The following GUCD1 variants were observed in gnomAD, a reference collection of about 807,000 sequenced individuals.
The protein encoded by GUCD1 is protein GUCD1.
In GUCD1, 17 loss-of-function variants were observed where a neutral mutation model predicts 28.3. That is an observed-to-expected ratio of 0.60 (90% CI 0.41 to 0.90). GUCD1 has a LOEUF of 0.90. Among genes scored for constraint, GUCD1 ranks in the 40% least tolerant of loss-of-function variants. GUCD1 has a pLI of 0.00. For missense variants in GUCD1, 279 were observed against 305.5 expected, an observed-to-expected ratio of 0.91 and a Z score of 0.65; for synonymous variants, 129 against 123.3, an observed-to-expected ratio of 1.05 and a Z score of -0.30.
At chr22:24,544,131 C>T (rs2044666245) in intron 4 of GUCD1, 48 bp from the exon 5 acceptor site, 1 of 1,586,268 alleles carries the variant, frequency 6.3e-7, no homozygotes, top group African/African-American at 1.3e-5. Context: ...CCCCATTCCC[C>T]ATCCCTCAAA....
At chr22:24,551,755 CA>C (rs1224559976) in intron 1 of GUCD1, among the ~76,000 whole-genome samples, 1 of 152,194 alleles carries the variant, frequency 6.6e-6, no homozygotes, top group Non-Finnish European at 1.5e-5. Flanking sequence ...GCAAAAGTAA[CA>C]ATAGCATCAA....
rs778803848 is a variant in GUCD1 at position 24,542,801 on chromosome 22, T to C, written c.*205A>G. On this transcript the variant is annotated 3_prime_UTR_variant, in exon 6 of 6. Coordinates refer to ENST00000435822, the MANE Select transcript of GUCD1 (RefSeq NM_001284254.2). Reference sequence around the variant, plus strand: ...ATGCTTCCAGCAGCCAGCAGGTGCTTGGGGTGAGTGACATGACAACACACG... The same window carrying C: ...ATGCTTCCAGCAGCCAGCAGGTGCTCGGGGTGAGTGACATGACAACACACG... The C allele has an allele frequency of 4.0e-5, 21 of 529,374 alleles. No individual in the cohort carries two copies. Among genetic ancestry groups the C allele is most frequent in the Non-Finnish European group, 6.2e-5 (18 of 291,208 alleles). 32.8% of individuals were successfully genotyped at this position (529,374 alleles called of 1,614,324 possible).
At position 24,542,803 on chromosome 22, in the gene GUCD1, G is replaced by C; in HGVS notation, c.*203C>G. ...GCTTCCAGCAGCCAGCAGGTGCTTG[G>C]GGTGAGTGACATGACAACACACGGC... On this transcript the variant is annotated 3_prime_UTR_variant, in exon 6 of 6. Coordinates refer to ENST00000435822, the MANE Select transcript of GUCD1 (RefSeq NM_001284254.2). The C allele has an allele frequency of 1.1e-5, 6 of 538,570 alleles. No individual in the cohort carries two copies. In the South Asian group the frequency reaches 1.2e-4, roughly 11 times the overall value. The allele number at this position is 538,570 out of a possible 1,614,324, so 33.4% of individuals were successfully genotyped here. A position where few individuals can be genotyped will look rare whatever the true frequency, so the allele number is the denominator to read the frequency against.
At chr22:24,553,958 A>C (rs748504737) in intron 1 of GUCD1, among the ~76,000 whole-genome samples, 7 of 152,268 alleles carry the variant, frequency 4.6e-5, no homozygotes, top group Non-Finnish European at 1.0e-4. Flanking sequence ...CTGGAGCCAA[A>C]GGGCTGCCTG....
In GUCD1 at chr22:24,542,543, GA is replaced by G. The variant is rs1302193227; in HGVS notation, c.*462del. ...GGGCATATGCAGCACTTCCAGGAGAGAGGGGCCTGGAGGGGTCCTCAGCCCT... is the reference window on the plus strand; with the variant it reads ...GGGCATATGCAGCACTTCCAGGAGAGGGGGCCTGGAGGGGTCCTCAGCCCT... On this transcript the variant is annotated 3_prime_UTR_variant, in exon 6 of 6. Coordinates refer to ENST00000435822, the MANE Select transcript of GUCD1 (RefSeq NM_001284254.2). The G allele has an allele frequency of 6.3e-6, 1 of 159,716 alleles. No homozygotes were observed. Among genetic ancestry groups the G allele is most frequent in the Non-Finnish European group, 1.4e-5 (1 of 72,524 alleles). 9.9% of individuals were successfully genotyped at this position (159,716 alleles called of 1,614,324 possible).
intron 1 of GUCD1, among the ~76,000 whole-genome samples, chr22:24,554,482 G>A (rs1220614723): frequency 2.0e-5 from 3 of 152,240 alleles, no homozygotes; most frequent in Non-Finnish European, 4.4e-5. Context: ...TCTTGGGCAA[G>A]CAAACTAACG....
At chr22:24,546,227 C>G (rs2044724246) in intron 4 of GUCD1, among the ~76,000 whole-genome samples, 2 of 152,226 alleles carry the variant, frequency 1.3e-5, no homozygotes, top group African/African-American at 2.4e-5. Flanking sequence ...TCCCAAAGTG[C>G]TGGGATTACA....
chr22:24,548,453 A>G (rs1236099090), intron 2 of GUCD1, among the ~76,000 whole-genome samples: 1 of 152,192 alleles, frequency 6.6e-6, no homozygotes, highest in Non-Finnish European at 1.5e-5. Flanking sequence ...CCAGGATGTA[A>G]AACAGATGAA....
rs1211540265 is a variant in GUCD1, at chr22:24,544,086, G to A, written c.387-3C>T. 1.9e-6 allele frequency: 3 copies of A among 1,607,966 alleles called. No homozygotes were observed. Among genetic ancestry groups the A allele is most frequent in the South Asian group, 1.1e-5 (1 of 90,980 alleles). Reference sequence around the variant, plus strand: ...GGATGTCCTTCACACTCACTGTGCTGTGGGCGGGAGGGGGGTCAGCTGGTG... The same window carrying A: ...GGATGTCCTTCACACTCACTGTGCTATGGGCGGGAGGGGGGTCAGCTGGTG... On this transcript the variant is annotated splice_polypyrimidine_tract_variant and splice_region_variant and intron_variant, in intron 4 of 5. Coordinates refer to ENST00000435822, the MANE Select transcript of GUCD1 (RefSeq NM_001284254.2).
chr22:24,548,565 T>C (rs948659702), intron 2 of GUCD1, among the ~76,000 whole-genome samples: 5 of 152,192 alleles, frequency 3.3e-5, no homozygotes, highest in Non-Finnish European at 7.4e-5. Flanking sequence ...TTCTGTGATA[T>C]TCACACAGCC....
At chr22:24,552,386 A>G (rs1414546572) in intron 1 of GUCD1, among the ~76,000 whole-genome samples, 2 of 152,258 alleles carry the variant, frequency 1.3e-5, no homozygotes, top group East Asian at 1.9e-4. Flanking sequence ...GAACTGAGAC[A>G]GCAGGAAACT....
intron 1 of GUCD1, among the ~76,000 whole-genome samples, chr22:24,553,329 T>C (rs547804966): frequency 2.6e-5 from 4 of 152,324 alleles, no homozygotes; most frequent in Admixed American, 1.3e-4. Context: ...GTCTGAAATG[T>C]TAATGTTGTC....
chr22:24,555,578 G>A (rs747082658), upstream of GUCD1: 6 of 1,544,532 alleles, frequency 3.9e-6, no homozygotes, highest in Admixed American at 2.0e-5. Context: ...AACTTTATCC[G>A]TACCAGATAC....
At chr22:24,547,663 AG>A (rs2044761899) in intron 3 of GUCD1, 9 of 491,064 alleles carry the variant, frequency 1.8e-5, no homozygotes. Context: ...TGTAGAAGGC[AG>A]GTGGACAGGA....
Position 24,543,956 on chromosome 22 carries a change from T to TG in GUCD1, c.513dup (p.Ser172GlnfsTer11), listed in dbSNP as rs753347105. Reference sequence around the variant, plus strand: ...GTGCGGCAGAAGCAGTGGTGGCCACTGGGGGTGAAGCAGCAGTACTTGACA... The same window carrying TG: ...GTGCGGCAGAAGCAGTGGTGGCCACTGGGGGGTGAAGCAGCAGTACTTGACA... On this transcript the variant is annotated frameshift_variant, in exon 5 of 6. Transcript: ENST00000435822. LOFTEE classifies it high-confidence loss of function. 1.9e-6 allele frequency: 3 copies of TG among 1,614,008 alleles called. No homozygotes were observed. The highest frequency in any genetic ancestry group is 2.5e-6 in the Non-Finnish European group (3 of 1,179,958).
chr22:24,542,926 GCCTGGGCCAGGGCA>G lies in GUCD1; in HGVS notation c.*66_*79del. On this transcript the variant is annotated 3_prime_UTR_variant, in exon 6 of 6. Transcript: ENST00000435822. The stretch of plus-strand genomic sequence containing the variant: ...CACATTCCAACCCCAGCAGCCCCAA[GCCTGGGCCAGGGCA>G]TCCTGAGCGGGCCCGGCTGGGGTGG... 1 of 1,008,292 alleles carries G rather than the reference GCCTGGGCCAGGGCA, an allele frequency of 9.9e-7. No individual in the cohort carries two copies. Among genetic ancestry groups the G allele is most frequent in the Admixed American group, 1.7e-5 (1 of 58,422 alleles). The allele number at this position is 1,008,292 out of a possible 1,614,324, so 62.5% of individuals were successfully genotyped here. A position where few individuals can be genotyped will look rare whatever the true frequency, so the allele number is the denominator to read the frequency against.
At chr22:24,547,059 A>G in intron 3 of GUCD1, 54 bp from the exon 4 acceptor site, 1 of 1,345,422 alleles carries the variant, frequency 7.4e-7, no homozygotes. Context: ...CCTTCACTCC[A>G]TTTAGATGAA....
At chr22:24,546,850 C>A in intron 4 of GUCD1, 64 bp downstream of exon 4, 1 of 1,400,714 alleles carries the variant, frequency 7.1e-7, no homozygotes, top group South Asian at 1.2e-5. Context: ...GAGGCCTCCC[C>A]ACTGCAGATC....
intron 1 of GUCD1, among the ~76,000 whole-genome samples, chr22:24,554,345 G>C (rs189818913): frequency 2.6e-4 from 39 of 152,278 alleles, no homozygotes; most frequent in Middle Eastern, 3.4e-3. Context: ...TGAAGGTCAG[G>C]GTCCCACATG....
Sources: allele counts gnomAD v4.1 joint callset (sites outside exome capture counted in the v4.1 genomes callset), GRCh38; gene constraint gnomAD v4.1.1; transcripts MANE v1.5; gene names NCBI Gene and HGNC (gene_info 2026-07-23, HGNC 2026-07-21).